FMO5: variants seen among roughly 807,000 people sequenced by gnomAD.
FMO5 encodes the protein flavin-containing monooxygenase 5.
FMO5 carries 51 observed loss-of-function variants against 43.6 expected under a neutral mutation model. The ratio of observed to expected loss-of-function variants is 1.17; its 90% CI spans 0.93 to 1.48. The LOEUF is 1.48. Ranked by LOEUF, FMO5 falls within the 40% of genes most tolerant of loss-of-function variation. The probability of loss-of-function intolerance (pLI) is 0.00; values close to 1 mark genes in which losing one functional copy is unlikely to be tolerated. For synonymous variants in FMO5, 187 were observed against 216.5 expected (o/e 0.86, Z 1.20); for missense variants, 644 against 643.0 (o/e 1.00, Z -0.02).
In FMO5 at chr1:147,213,386, C is replaced by G. The variant is rs145368007; in HGVS notation, c.409G>C (p.Glu137Gln). The G allele has an allele frequency of 6.2e-7, 1 of 1,613,828 alleles. No homozygotes were observed. The highest frequency in any genetic ancestry group is 8.5e-7 in the Non-Finnish European group (1 of 1,179,870). The part of the protein sequence containing the change: ...EVVTESEGKK[E>Q]MNVFDGVMVC... ...ATGACTCCATCAAAGACATTCATCT[C>G]CTTTTTCCCTTCAGATTCAGTGACC... The change falls in exon 4 of 9, where the codon GAG becomes CAG. Residue 137 changes from glutamate (E) to glutamine (Q), a missense_variant. Glu to Gln is a conservative substitution (Grantham distance 29). Transcript: ENST00000254090.
At chr1:147,213,629 A>G (rs886407499) in intron 3 of FMO5, among the ~76,000 whole-genome samples, 159 bp from the exon 4 acceptor site, 1 of 152,222 alleles carries the variant, frequency 6.6e-6, no homozygotes, top group Non-Finnish European at 1.5e-5. Context: ...TTGGGGCTGT[A>G]GTCAGAATGA....
At chr1:147,191,735 C>T (rs371939758) in intron 7 of FMO5, among the ~76,000 whole-genome samples, 1 of 151,886 alleles carries the variant, frequency 6.6e-6, no homozygotes, top group Non-Finnish European at 1.5e-5. Context: ...ATATGGCTAG[C>T]CAGTTTTCCC....
At chr1:147,206,809 TGTAAATGACAAGTTAATG>T in intron 6 of FMO5, among the ~76,000 whole-genome samples, 1 of 29,048 alleles carries the variant, frequency 3.4e-5, no homozygotes, top group African/African-American at 8.8e-4. Flanking sequence ...ATATATCTGA[TGTAAATGACAAGTTAATG>T]GATGTAAATG....
chr1:147,194,079 G>A (rs1438471488), intron 7 of FMO5, among the ~76,000 whole-genome samples: 3 of 152,026 alleles, frequency 2.0e-5, no homozygotes, highest in Non-Finnish European at 4.4e-5. Context: ...CTTCTGTCTC[G>A]TTGATCTGTC....
At chr1:147,203,802 G>A (rs1659479803) in intron 6 of FMO5, 6 of 1,546,596 alleles carry the variant, frequency 3.9e-6, no homozygotes, top group South Asian at 2.2e-5. Context: ...GTAGAGCCCC[G>A]AAGTACTATG....
intron 7 of FMO5, among the ~76,000 whole-genome samples, chr1:147,195,121 T>C (rs1553919488): frequency 1.3e-5 from 2 of 152,120 alleles, no homozygotes; most frequent in African/African-American, 4.8e-5. Context: ...TTGGTTCCAT[T>C]CTCCCCGTCA....
In FMO5 at chr1:147,200,429, C is replaced by T. The variant is rs28381214; in HGVS notation, c.1183+723G>A. Among the ~76,000 whole-genome samples the T allele has an allele frequency of 6.0e-3, 912 of 152,244 alleles. 4 individuals carry two copies. Among genetic ancestry groups the T allele is most frequent in the Middle Eastern group, 0.01 (3 of 294 alleles). On this transcript the variant is annotated intron_variant, in intron 7 of 8. Coordinates refer to ENST00000254090, the MANE Select transcript of FMO5 (RefSeq NM_001461.4). ...AATTTTTCTCTCTCTCCTTATTAAA[C>T]GCACTCCAGCTTCACTTTTAAAATG... is the stretch of plus-strand genomic sequence containing the variant.
At chr1:147,198,847 T>A (rs1658454973) in intron 7 of FMO5, among the ~76,000 whole-genome samples, 2 of 79,084 alleles carry the variant, frequency 2.5e-5, no homozygotes, top group Non-Finnish European at 4.5e-5. Context: ...CGAGACTGCA[T>A]CTCAAAAAAA....
chr1:147,191,348 G>A (rs28745885), intron 7 of FMO5, among the ~76,000 whole-genome samples: 5,571 of 152,074 alleles, frequency 0.037, 153 homozygotes, highest in South Asian at 0.094. Context: ...AGCACCTGTT[G>A]TTTCCTGACT....
intron 1 of FMO5, 97 bp from the exon 2 acceptor site, chr1:147,225,163 G>T (rs1663824897): frequency 6.6e-7 from 1 of 1,523,150 alleles, no homozygotes; most frequent in African/African-American, 1.4e-5. Flanking sequence ...TGTACAAGAG[G>T]TGTCTTGAGG....
Position 147,201,147 on chromosome 1 carries a change from C to G in FMO5, c.1183+5G>C. 1.2e-6 allele frequency: 2 copies of G among 1,600,404 alleles called. No homozygotes were observed. The highest frequency in any genetic ancestry group is 1.7e-6 in the Non-Finnish European group (2 of 1,171,190). On this transcript the variant is annotated splice_donor_5th_base_variant and intron_variant, in intron 7 of 8. Transcript: ENST00000254090. ...ATTAAGTAGTCTATTTGCATGGTCA[C>G]TTACCTTTAAATACCTGAGTGGCCC...
chr1:147,204,095 A>G lies in FMO5; in HGVS notation c.831-2591T>C, dbSNP rs1347920683. ...TGCACCAGTATCAGCAATAGCTTTG[A>G]CTTATGCATCCATGAGATTTTCTTC... On this transcript the variant is annotated intron_variant, in intron 6 of 8. Coordinates refer to ENST00000254090, the MANE Select transcript of FMO5 (RefSeq NM_001461.4). 6 of 1,069,504 alleles carry G rather than the reference A, an allele frequency of 5.6e-6. No homozygotes were observed. In the Admixed American group the frequency reaches 1.0e-4, roughly 18 times the overall value. The allele number at this position is 1,069,504 out of a possible 1,614,324, so 66.3% of individuals were successfully genotyped here.
At chr1:147,212,327 T>G in intron 5 of FMO5, 66 bp downstream of exon 5, 5 of 1,551,300 alleles carry the variant, frequency 3.2e-6, no homozygotes, top group Non-Finnish European at 4.4e-6. Context: ...TGGGTCCACC[T>G]GCAGCTTCCT....
At chr1:147,212,038 C>T (rs1661158945) in intron 5 of FMO5, among the ~76,000 whole-genome samples, 1 of 152,206 alleles carries the variant, frequency 6.6e-6, no homozygotes, top group South Asian at 2.1e-4. Flanking sequence ...TGAAGATCCT[C>T]GCTCTCAATA....
At chr1:147,200,239 C>A (rs2101822355) in intron 7 of FMO5, among the ~76,000 whole-genome samples, 1 of 152,274 alleles carries the variant, frequency 6.6e-6, no homozygotes. Context: ...TGGTTTGACC[C>A]TTTGAAGCTA....
chr1:147,213,284 C>A, intron 4 of FMO5, 24 bp downstream of exon 4: 1 of 1,587,180 alleles, frequency 6.3e-7, no homozygotes, highest in Admixed American at 1.7e-5. Flanking sequence ...GGTCAAGGGT[C>A]TTCCTTCCTG....
At chr1:147,223,774 T>G (rs1553926859) in intron 2 of FMO5, 1 of 251,456 alleles carries the variant, frequency 4.0e-6, no homozygotes, top group East Asian at 1.3e-4. Context: ...TATAAGCTGC[T>G]GAAAGCACTT....
chr1:147,185,143 G>C (rs1553916787), downstream of FMO5, among the ~76,000 whole-genome samples: 1 of 149,680 alleles, frequency 6.7e-6, no homozygotes, highest in Non-Finnish European at 1.5e-5. Context: ...ACATCTTTTA[G>C]CTTGGTTGAG....
chr1:147,204,966 T>A, intron 6 of FMO5: 2 of 1,293,590 alleles, frequency 1.5e-6, no homozygotes, highest in South Asian at 1.2e-5. Flanking sequence ...ACGTGACCGC[T>A]CAGAAGACCG....
Sources: gnomAD v4.1 joint callset for allele counts (sites outside exome capture counted in the v4.1 genomes callset) on GRCh38, gnomAD v4.1.1 for gene constraint, MANE v1.5 for transcripts, NCBI Gene and HGNC (gene_info 2026-07-23, HGNC 2026-07-21) for gene names.